RABGAP1L: variants seen among roughly 807,000 people sequenced by gnomAD.
The protein encoded by RABGAP1L is RAB GTPase activating protein 1 like.
A neutral mutation model predicts 137.7 loss-of-function variants in RABGAP1L; 63 were observed. The ratio of observed to expected loss-of-function variants is 0.46; its 90% CI spans 0.37 to 0.56. The LOEUF is 0.56. RABGAP1L is among the 20% of genes least tolerant of loss of function. The pLI is 0.00. For missense variants in RABGAP1L, 1,095 were observed against 1,244.0 expected (o/e 0.88, Z 1.80); for synonymous variants, 431 against 433.7 (o/e 0.99, Z 0.08).
At chr1:174,201,875 C>T (rs1455026728) in intron 1 of RABGAP1L, among the ~76,000 whole-genome samples, 1 of 143,158 alleles carries the variant, frequency 7.0e-6, no homozygotes, top group Non-Finnish European at 1.5e-5. Context: ...TTGTTCAATT[C>T]CCACCTACGA....
At chr1:174,279,137 A>T in intron 10 of RABGAP1L, among the ~76,000 whole-genome samples, 1 of 152,182 alleles carries the variant, frequency 6.6e-6, no homozygotes, top group East Asian at 1.9e-4. Flanking sequence ...TTTTAATGAA[A>T]ATGTTTCTAA....
chr1:174,673,575 T>C (rs1372985374), intron 14 of RABGAP1L, among the ~76,000 whole-genome samples: 1 of 152,152 alleles, frequency 6.6e-6, no homozygotes, highest in Non-Finnish European at 1.5e-5. Context: ...AAATGCTAAA[T>C]TACATATTTC....
intron 17 of RABGAP1L, among the ~76,000 whole-genome samples, chr1:174,719,992 A>T (rs1172294858): frequency 6.6e-6 from 1 of 151,992 alleles, no homozygotes; most frequent in African/African-American, 2.4e-5. Context: ...CTCAAAGTGT[A>T]GTTCATAGCA....
intron 13 of RABGAP1L, among the ~76,000 whole-genome samples, chr1:174,605,814 T>G (rs969628210): frequency 3.9e-5 from 6 of 152,248 alleles, no homozygotes; most frequent in Admixed American, 3.9e-4. Flanking sequence ...CACTGCAGGC[T>G]TCATCTTTAA....
chr1:174,295,811 A>T (rs1677079601), intron 10 of RABGAP1L, among the ~76,000 whole-genome samples: 1 of 151,996 alleles, frequency 6.6e-6, no homozygotes, highest in Non-Finnish European at 1.5e-5. Context: ...GAGCTACCAC[A>T]AGTGGCCTGA....
In RABGAP1L at chr1:174,954,746, C is replaced by G. The variant is rs1317981773; in HGVS notation, c.2341-2711C>G. Among the ~76,000 whole-genome samples, 3 of 152,170 alleles carry G rather than the reference C, an allele frequency of 2.0e-5. No individual in the cohort carries two copies. In the East Asian group the frequency reaches 5.8e-4, roughly 29 times the overall value. The stretch of plus-strand genomic sequence containing the variant: ...TTCCGATCTGGTGGGAAAATGGCTC[C>G]TGGAGTAGGCTCTCTCCTCACAATA... On this transcript the variant is annotated intron_variant, in intron 19 of 25. Transcript: ENST00000681986.
intron 10 of RABGAP1L, among the ~76,000 whole-genome samples, chr1:174,285,453 A>G (rs1675972559): frequency 6.6e-6 from 1 of 150,926 alleles, no homozygotes; most frequent in African/African-American, 2.4e-5. Context: ...TCGATTTCGT[A>G]TAGAAATACA....
chr1:174,769,017 A>G (rs1156739939), intron 18 of RABGAP1L, among the ~76,000 whole-genome samples: 8 of 152,030 alleles, frequency 5.3e-5, no homozygotes, highest in Admixed American at 3.9e-4. Context: ...CTGGATTACT[A>G]CTGTCACCAC....
At chr1:174,690,665 T>G (rs1255843349) in intron 15 of RABGAP1L, among the ~76,000 whole-genome samples, 1 of 152,198 alleles carries the variant, frequency 6.6e-6, no homozygotes, top group Non-Finnish European at 1.5e-5. Context: ...GATAGAATTT[T>G]ATGGCTTATA....
In RABGAP1L at chr1:174,275,827, T is replaced by C; in HGVS notation, c.1054-6T>C. 6.2e-7 allele frequency: 1 copy of C among 1,605,002 alleles called. No homozygotes were observed. Among genetic ancestry groups the C allele is most frequent in the Non-Finnish European group, 8.5e-7 (1 of 1,174,524 alleles). On this transcript the variant is annotated splice_polypyrimidine_tract_variant and splice_region_variant and intron_variant, in intron 8 of 25. Coordinates refer to ENST00000681986, the MANE Select transcript of RABGAP1L (RefSeq NM_001366446.1). ...TTATCAGTAATTACTGTTTGAATTT[T>C]TATAGGAATCCATGGGAAAGAGCTA...
intron 10 of RABGAP1L, among the ~76,000 whole-genome samples, chr1:174,280,048 G>GGAGGGAGAGAGAGAGAGA (rs1476116577): frequency 1.6e-5 from 2 of 125,254 alleles, no homozygotes; most frequent in Non-Finnish European, 3.3e-5. Flanking sequence ...CTGTCTGCCT[G>GGAGGGAGAGAGAGAGAGA]GAGAGAGAGA....
At chr1:174,705,289 C>T (rs1278049558) in intron 17 of RABGAP1L, 2 of 152,062 alleles carry the variant, frequency 1.3e-5, no homozygotes, top group Non-Finnish European at 2.9e-5. Context: ...GGAACATTGT[C>T]CATGGGTTTT....
intron 19 of RABGAP1L, among the ~76,000 whole-genome samples, chr1:174,886,262 T>C (rs1205631027): frequency 6.6e-6 from 1 of 152,136 alleles, no homozygotes; most frequent in African/African-American, 2.4e-5. Context: ...TCTTCCCGCC[T>C]TGACCTCCCA....
chr1:174,582,581 AAG>A (rs940903944), intron 13 of RABGAP1L, among the ~76,000 whole-genome samples: 26 of 152,206 alleles, frequency 1.7e-4, no homozygotes, highest in Admixed American at 1.4e-3. Context: ...TCTCTTTAAA[AAG>A]AGAGAGAGAT....
Position 174,655,683 on chromosome 1 carries a change from A to G in RABGAP1L, c.1824+18195A>G, listed in dbSNP as rs1460123912. Among the ~76,000 whole-genome samples the G allele has an allele frequency of 4.6e-5, 7 of 152,108 alleles. No homozygotes were observed. The East Asian group carries it at 1.3e-3, about 29-fold the overall frequency. On this transcript the variant is annotated intron_variant, in intron 14 of 25. Transcript: ENST00000681986. ...TTGCCCCATTTCTCATCAGACTTTC[A>G]ATTTATTAGTTTATTTATATGTTAT...
chr1:174,899,192 G>A (rs569354653), intron 19 of RABGAP1L, among the ~76,000 whole-genome samples: 18 of 151,860 alleles, frequency 1.2e-4, no homozygotes, highest in Admixed American at 7.9e-4. Flanking sequence ...AGAGACTTTC[G>A]GGAGAAAACA....
chr1:174,910,148 CACAA>C (rs373384279), intron 19 of RABGAP1L, among the ~76,000 whole-genome samples: 57 of 151,854 alleles, frequency 3.8e-4, no homozygotes, highest in African/African-American at 1.3e-3. Flanking sequence ...CAAAAAAAAA[CACAA>C]ACAAACAAGT....
intron 13 of RABGAP1L, among the ~76,000 whole-genome samples, chr1:174,450,708 C>A (rs540157673): frequency 2.0e-5 from 3 of 152,052 alleles, no homozygotes; most frequent in Admixed American, 1.3e-4. Flanking sequence ...GGGGAATTAG[C>A]GAAGCAAGTA....
intron 17 of RABGAP1L, among the ~76,000 whole-genome samples, chr1:174,710,203 T>C (rs1680372246): frequency 1.3e-5 from 2 of 151,954 alleles, no homozygotes; most frequent in Non-Finnish European, 2.9e-5. Flanking sequence ...TACCTGAAAG[T>C]GATGGGGAGA....
Sources: gnomAD v4.1 joint callset for allele counts (sites outside exome capture counted in the v4.1 genomes callset) on GRCh38, gnomAD v4.1.1 for gene constraint, MANE v1.5 for transcripts, NCBI Gene and HGNC (gene_info 2026-07-23, HGNC 2026-07-21) for gene names.